Variants in HMG20A observed in about 807,000 individuals in gnomAD.
The protein encoded by HMG20A is high mobility group 20A, also known as high mobility group protein 20A.
Under a neutral mutation model 43.9 loss-of-function variants are expected in HMG20A, and 17 were observed. That is an observed-to-expected ratio of 0.39 (90% CI 0.27 to 0.58). The LOEUF (loss-of-function observed/expected upper bound fraction) is 0.58, where lower values mean the gene tolerates loss of function less well. HMG20A is among the 20% of genes least tolerant of loss of function. HMG20A has a pLI of 0.59. For synonymous variants in HMG20A, 132 were observed against 147.5 expected, an observed-to-expected ratio of 0.89 and a Z score of 0.76; for missense variants, 341 against 438.2, an observed-to-expected ratio of 0.78 and a Z score of 1.98.
At chr15:77,477,389 T>C (rs966884859) in intron 6 of HMG20A, among the ~76,000 whole-genome samples, 166 bp from the exon 7 acceptor site, 5 of 152,206 alleles carry the variant, frequency 3.3e-5, no homozygotes, top group Non-Finnish European at 5.9e-5. Flanking sequence ...TCTGTGAAAG[T>C]TGGATTCCAA....
At chr15:77,462,599 C>CCACA (rs34081893) in intron 2 of HMG20A, among the ~76,000 whole-genome samples, 1,483 of 147,924 alleles carry the variant, frequency 0.01, 19 homozygotes, top group African/African-American at 0.027. Context: ...GTGTGTCTGT[C>CCACA]CACACACACA....
chr15:77,461,141 T>C (rs768891977), intron 2 of HMG20A, among the ~76,000 whole-genome samples: 14 of 151,978 alleles, frequency 9.2e-5, no homozygotes, highest in Non-Finnish European at 2.1e-4. Context: ...AAAGATCAAC[T>C]GTGTCAGATG....
intron 1 of HMG20A, among the ~76,000 whole-genome samples, chr15:77,445,238 C>T (rs1291445700): frequency 1.3e-5 from 2 of 152,192 alleles, no homozygotes; most frequent in African/African-American, 4.8e-5. Context: ...CTCTCTTCAG[C>T]GTTGTCTCAC....
chr15:77,495,772 C>T, the HMG20A span, among the ~76,000 whole-genome samples: 1 of 152,156 alleles, frequency 6.6e-6, no homozygotes, highest in Non-Finnish European at 1.5e-5. Flanking sequence ...GTGTCATCCC[C>T]CCTTATTCCT....
chr15:77,470,347 C>A (rs1418346730), intron 4 of HMG20A, among the ~76,000 whole-genome samples: 4 of 152,188 alleles, frequency 2.6e-5, no homozygotes, highest in African/African-American at 9.7e-5. Flanking sequence ...TAGGTTCTCT[C>A]AGAGTAGTCC....
At chr15:77,500,760 G>A in the HMG20A span, among the ~76,000 whole-genome samples, 1 of 151,918 alleles carries the variant, frequency 6.6e-6, no homozygotes, top group African/African-American at 2.4e-5. Flanking sequence ...GTAGAGACAG[G>A]GTTTCACCAT....
chr15:77,452,695 G>A (rs2072615306), intron 1 of HMG20A, among the ~76,000 whole-genome samples: 1 of 151,968 alleles, frequency 6.6e-6, no homozygotes, highest in Non-Finnish European at 1.5e-5. Context: ...TGATTAGGCG[G>A]TAGTTTCTTA....
chr15:77,438,696 C>G (rs1343644115), intron 1 of HMG20A, among the ~76,000 whole-genome samples: 1 of 152,202 alleles, frequency 6.6e-6, no homozygotes, highest in African/African-American at 2.4e-5. Flanking sequence ...TTTGAAACAG[C>G]TTTCAGGCTA....
At chr15:77,513,999 C>T in the HMG20A span, among the ~76,000 whole-genome samples, 4 of 152,334 alleles carry the variant, frequency 2.6e-5, no homozygotes, top group South Asian at 8.3e-4. Context: ...GCTGGGATTA[C>T]AAGCGTGAGC....
chr15:77,453,360 T>C (rs987585850), intron 1 of HMG20A, among the ~76,000 whole-genome samples: 2 of 152,150 alleles, frequency 1.3e-5, no homozygotes, highest in African/African-American at 2.4e-5. Context: ...TAGGAAAATA[T>C]GAACCAAAAT....
downstream of HMG20A, among the ~76,000 whole-genome samples, chr15:77,487,038 G>A (rs556329055): frequency 5.9e-5 from 9 of 152,232 alleles, no homozygotes; most frequent in East Asian, 3.9e-4. Context: ...AGGTCACCCC[G>A]TGGTCCAAAA....
At chr15:77,453,976 C>A in intron 1 of HMG20A, among the ~76,000 whole-genome samples, 1 of 151,144 alleles carries the variant, frequency 6.6e-6, no homozygotes, top group Non-Finnish European at 1.5e-5. Flanking sequence ...TTCAAGACAG[C>A]CTGGGCAACA....
intron 3 of HMG20A, among the ~76,000 whole-genome samples, chr15:77,464,996 A>G (rs1467848958): frequency 6.6e-6 from 1 of 151,860 alleles, no homozygotes; most frequent in South Asian, 2.1e-4. Flanking sequence ...ATGGTAGCTC[A>G]TGCCTGTAAT....
intron 7 of HMG20A, chr15:77,478,073 C>T (rs2072872258): frequency 1.7e-6 from 1 of 578,542 alleles, no homozygotes; most frequent in South Asian, 2.1e-5. Flanking sequence ...TTGTTGCAAT[C>T]TTATGTATGG....
intron 4 of HMG20A, among the ~76,000 whole-genome samples, chr15:77,469,449 C>T (rs1206198237): frequency 6.6e-6 from 1 of 151,896 alleles, no homozygotes; most frequent in Non-Finnish European, 1.5e-5. Flanking sequence ...TGGTCTCAAG[C>T]ACCCCTCCCA....
At chr15:77,518,514 C>G in the HMG20A span, among the ~76,000 whole-genome samples, 70 of 152,354 alleles carry the variant, frequency 4.6e-4, no homozygotes, top group African/African-American at 1.5e-3. Context: ...ACCTACATTA[C>G]TCACCAGCCC....
In HMG20A at chr15:77,464,310, G is replaced by T. The variant is rs777656083; in HGVS notation, c.160G>T (p.Asp54Tyr). 105 of 1,613,756 alleles carry T rather than the reference G, an allele frequency of 6.5e-5. No homozygotes were observed. The highest frequency in any genetic ancestry group is 8.6e-5 in the Non-Finnish European group (101 of 1,179,840). ...CACCAACAATCCAGAATTTGTGGAG[G>T]ATCTCTCTCAAGGTCAGTTGCTTCA... is the stretch of plus-strand genomic sequence containing the variant. ...SSTNNPEFVE[D>Y]LSQGQLLQSE... Residue 54 changes from aspartate to tyrosine, a missense_variant, in exon 3 of 10, where the codon GAT becomes TAT. Around this residue, in one of 3 missense-constraint regions of HMG20A, gnomAD observed 220 missense variants for 263.6 expected, o/e 0.83. Transcript: ENST00000336216.
chr15:77,427,738 T>C (rs2073441274), intron 1 of HMG20A, among the ~76,000 whole-genome samples: 1 of 152,236 alleles, frequency 6.6e-6, no homozygotes, highest in Non-Finnish European at 1.5e-5. Context: ...TCAGTGCTGC[T>C]GTCCTTATTT....
At chr15:77,443,968 C>G (rs889860249) in intron 1 of HMG20A, among the ~76,000 whole-genome samples, 3 of 152,190 alleles carry the variant, frequency 2.0e-5, no homozygotes, top group African/African-American at 7.2e-5. Context: ...GCCTCAGCCT[C>G]CCAAAGTGTT....
Sources: gnomAD v4.1 joint callset for allele counts (sites outside exome capture counted in the v4.1 genomes callset) on GRCh38, gnomAD v4.1.1 for gene constraint, gnomAD v4.1.1 regional missense constraint, MANE v1.5 for transcripts, NCBI Gene and HGNC (gene_info 2026-07-23, HGNC 2026-07-21) for gene names.